RNGTT: variants seen among roughly 807,000 people sequenced by gnomAD.
RNGTT encodes RNA guanylyltransferase and 5'-phosphatase.
A neutral mutation model predicts 79.3 loss-of-function variants in RNGTT; 33 were observed. That is an observed-to-expected ratio of 0.42 (90% CI 0.32 to 0.56). The LOEUF (loss-of-function observed/expected upper bound fraction) is 0.56. Ranked by LOEUF, RNGTT falls within the 20% of genes least tolerant of loss-of-function variation. RNGTT has a pLI of 0.17. For synonymous variants in RNGTT, 222 were observed against 235.9 expected (o/e 0.94, Z 0.54); for missense variants, 497 against 739.1 (o/e 0.67, Z 3.80).
At chr6:88,834,969 C>A (rs1405582315) in intron 11 of RNGTT, among the ~76,000 whole-genome samples, 1 of 151,870 alleles carries the variant, frequency 6.6e-6, no homozygotes, top group Non-Finnish European at 1.5e-5. Flanking sequence ...AAAAGAATAA[C>A]CTTTGTAATT....
intron 13 of RNGTT, among the ~76,000 whole-genome samples, chr6:88,684,620 C>G (rs1455113409): frequency 6.6e-6 from 1 of 152,066 alleles, no homozygotes. Context: ...ATCTTAAAAG[C>G]CTAAACATTG....
At chr6:88,940,992 AT>A (rs1437100581) in intron 2 of RNGTT, 78 bp downstream of exon 2, 3 of 730,574 alleles carry the variant, frequency 4.1e-6, no homozygotes, top group African/African-American at 1.8e-5. Flanking sequence ...AAATAATAAG[AT>A]TTTTTTAAAA....
intron 11 of RNGTT, among the ~76,000 whole-genome samples, chr6:88,822,741 G>C (rs1780534687): frequency 6.6e-6 from 1 of 152,152 alleles, no homozygotes; most frequent in Non-Finnish European, 1.5e-5. Flanking sequence ...CATAAAAAGA[G>C]TGAACATTGA....
chr6:88,647,305 T>C (rs1039038153), intron 14 of RNGTT, among the ~76,000 whole-genome samples: 22 of 152,176 alleles, frequency 1.4e-4, no homozygotes, highest in Non-Finnish European at 1.5e-5. Context: ...ACACAAACTC[T>C]TGATGCTATG....
intron 14 of RNGTT, among the ~76,000 whole-genome samples, chr6:88,621,592 T>C (rs776290277): frequency 1.3e-5 from 2 of 152,216 alleles, no homozygotes; most frequent in South Asian, 4.2e-4. Flanking sequence ...TTGTACTCTA[T>C]TTCTGAGTGA....
chr6:88,619,020 T>C (rs1772343496), intron 14 of RNGTT, among the ~76,000 whole-genome samples: 1 of 152,216 alleles, frequency 6.6e-6, no homozygotes, highest in Non-Finnish European at 1.5e-5. Flanking sequence ...GGATATTTAT[T>C]TTATTATTTG....
Position 88,818,041 on chromosome 6 carries a change from G to T in RNGTT, c.1270-16409C>A, listed in dbSNP as rs543379533. On this transcript the variant is annotated intron_variant, in intron 11 of 15. Coordinates refer to ENST00000369485, the MANE Select transcript of RNGTT (RefSeq NM_003800.5). ...CCCAAAGTGCTAGGATTACAGGCGT[G>T]AGCCACCGCGCCCGGCCTATTCACA... 7.2e-5 allele frequency among the ~76,000 whole-genome samples: 11 copies of T among 151,826 alleles called. No homozygotes were observed. The East Asian group carries it at 2.2e-3, about 30-fold the overall frequency.
intron 1 of RNGTT, among the ~76,000 whole-genome samples, chr6:88,948,528 G>A (rs1305616674): frequency 2.0e-5 from 3 of 149,334 alleles, no homozygotes; most frequent in African/African-American, 7.4e-5. Flanking sequence ...CCCCGTCCGG[G>A]AGGTGAGGGG....
chr6:88,903,421 C>T (rs1243105264), intron 6 of RNGTT, among the ~76,000 whole-genome samples: 2 of 152,100 alleles, frequency 1.3e-5, no homozygotes, highest in African/African-American at 2.4e-5. Flanking sequence ...TGCTATGCTG[C>T]TTATTGAAGT....
intron 8 of RNGTT, among the ~76,000 whole-genome samples, chr6:88,888,576 C>T (rs1300769775): frequency 6.6e-6 from 1 of 152,132 alleles, no homozygotes; most frequent in South Asian, 2.1e-4. Flanking sequence ...ACACAAGGCA[C>T]ATTTTTTCAT....
intron 14 of RNGTT, among the ~76,000 whole-genome samples, chr6:88,654,950 C>G (rs568273215): frequency 1.3e-3 from 198 of 152,282 alleles, no homozygotes; most frequent in African/African-American, 4.5e-3. Flanking sequence ...TGTGCATATA[C>G]TAGAACCTGA....
At chr6:88,662,509 C>CT (rs1169673292) in intron 14 of RNGTT, among the ~76,000 whole-genome samples, 1 of 152,208 alleles carries the variant, frequency 6.6e-6, no homozygotes, top group Non-Finnish European at 1.5e-5. Context: ...AGATGCGAGT[C>CT]TACCAATGCT....
rs953837185 is a variant in RNGTT, at chr6:88,642,039, G to A, written c.1507-27644C>T. ...GCTACCTTGTCATTTGAGAGAGAGA[G>A]AGAGAGAGAGAAAATAGGAATGTAA... On this transcript the variant is annotated intron_variant, in intron 14 of 15. Transcript: ENST00000369485. 1.4e-4 allele frequency among the ~76,000 whole-genome samples: 21 copies of A among 152,252 alleles called. No homozygotes were observed. The East Asian group carries it at 2.5e-3, about 18-fold the overall frequency.
chr6:88,647,751 G>A (rs1243162858), intron 14 of RNGTT, among the ~76,000 whole-genome samples: 1 of 145,760 alleles, frequency 6.9e-6, no homozygotes, highest in Non-Finnish European at 1.5e-5. Context: ...GAGGAAGGGA[G>A]AGAGGGAGGA....
chr6:88,693,554 C>T (rs35095368), intron 13 of RNGTT, among the ~76,000 whole-genome samples: 40,271 of 151,730 alleles, frequency 0.27, 9,328 homozygotes, highest in African/African-American at 0.63. Context: ...CTAATAATAC[C>T]ACCAAACTCT....
In RNGTT at chr6:88,715,960, A is replaced by T. The variant is rs528939123; in HGVS notation, c.1440-37541T>A. On this transcript the variant is annotated intron_variant, in intron 13 of 15. Coordinates refer to ENST00000369485, the MANE Select transcript of RNGTT (RefSeq NM_003800.5). ...GCAATGGCAACAAAAGCCAAAATTG[A>T]CAAATGGGATCTAATTAAACTAAAG... Among the ~76,000 whole-genome samples, 3 of 152,292 alleles carry T rather than the reference A, an allele frequency of 2.0e-5. No homozygotes were observed. The South Asian group carries it at 6.2e-4, about 32-fold the overall frequency.
At chr6:88,696,228 A>C (rs1192685923) in intron 13 of RNGTT, among the ~76,000 whole-genome samples, 1 of 152,208 alleles carries the variant, frequency 6.6e-6, no homozygotes, top group African/African-American at 2.4e-5. Flanking sequence ...TACTTTGTAT[A>C]CATATAACAT....
At position 88,963,419 on chromosome 6, in the gene RNGTT, C is replaced by A. The variant is rs1207480645; in HGVS notation, c.-10G>T. The A allele has an allele frequency of 6.3e-7, 1 of 1,577,072 alleles. No homozygotes were observed. Among genetic ancestry groups the A allele is most frequent in the Non-Finnish European group, 8.6e-7 (1 of 1,158,642 alleles). ...TCTTGTTGTGAGCCATGTCTTGGGGCTGCGCAGAGCTGCCCTCCCTCACCA... is the reference window on the plus strand; with the variant it reads ...TCTTGTTGTGAGCCATGTCTTGGGGATGCGCAGAGCTGCCCTCCCTCACCA... On this transcript the variant is annotated 5_prime_UTR_variant, in exon 1 of 16. Coordinates refer to ENST00000369485, the MANE Select transcript of RNGTT (RefSeq NM_003800.5).
At chr6:88,812,455 T>G (rs1401316711) in intron 11 of RNGTT, among the ~76,000 whole-genome samples, 2 of 152,234 alleles carry the variant, frequency 1.3e-5, no homozygotes, top group Non-Finnish European at 2.9e-5. Flanking sequence ...TTATTCTTTT[T>G]TATTTCATAA....
Sources: gnomAD v4.1 joint callset for allele counts (sites outside exome capture counted in the v4.1 genomes callset) on GRCh38, gnomAD v4.1.1 for gene constraint, MANE v1.5 for transcripts, NCBI Gene and HGNC (gene_info 2026-07-23, HGNC 2026-07-21) for gene names.